GPAT4: variants seen among roughly 807,000 people sequenced by gnomAD.
The protein encoded by GPAT4 is glycerol-3-phosphate acyltransferase 4.
In GPAT4, 17 loss-of-function variants were observed where a neutral mutation model predicts 58.0. The observed-to-expected ratio is 0.29, with a 90% CI of 0.20 to 0.44. The LOEUF is 0.44. Among genes scored for constraint, GPAT4 ranks in the 20% least tolerant of loss-of-function variants. The pLI is 1.00. For synonymous variants in GPAT4, 204 were observed against 210.1 expected (o/e 0.97, Z 0.25); for missense variants, 377 against 574.5 (o/e 0.66, Z 3.51).
At position 41,609,942 on chromosome 8, in the gene GPAT4, C is replaced by T. The variant is rs1175708013; in HGVS notation, c.523C>T (p.Leu175=). The change falls in exon 4 of 13, where the codon CTG becomes TTG. Residue 175 remains leucine, a synonymous_variant. Transcript: ENST00000396987. ...GLGVLIRYCF[L]LPLRIALAFT... is the part of the protein sequence containing the mutation. ...AGGAGTGCTGATTCGGTACTGCTTT[C>T]TGCTGCCGCTCAGGTGAGGCAGGGC... is the stretch of plus-strand genomic sequence containing the variant. The T allele has an allele frequency of 1.2e-6, 2 of 1,605,836 alleles. No individual in the cohort carries two copies. Among genetic ancestry groups the T allele is most frequent in the Admixed American group, 3.4e-5 (2 of 59,616 alleles).
Position 41,611,962 on chromosome 8 carries a change from C to G in GPAT4, c.671C>G (p.Ala224Gly). 6.2e-7 allele frequency: 1 copy of G among 1,614,154 alleles called. No individual in the cohort carries two copies. Among genetic ancestry groups the G allele is most frequent in the Non-Finnish European group, 8.5e-7 (1 of 1,180,028 alleles). The change falls in exon 6 of 13, where the codon GCG becomes GGG. Residue 224 changes from alanine to glycine, a missense_variant. Physicochemically the swap from Ala to Gly is moderately conservative, Grantham distance 60. Transcript: ENST00000396987. ...HLMCYRICVR[A>G]LTAIITYHDR... ...ATGTGTTACCGGATCTGCGTGCGAGCGCTGACAGCCATCATCACCTACCAT... is the reference window on the plus strand; with the variant it reads ...ATGTGTTACCGGATCTGCGTGCGAGGGCTGACAGCCATCATCACCTACCAT...
chr8:41,593,714 G>A (rs1469127627), intron 1 of GPAT4, among the ~76,000 whole-genome samples: 2 of 152,212 alleles, frequency 1.3e-5, no homozygotes, highest in South Asian at 2.1e-4. Context: ...TGATGAGAAC[G>A]TGATCCTCAG....
At chr8:41,590,363 C>A (rs1251332185) in intron 1 of GPAT4, among the ~76,000 whole-genome samples, 1 of 152,224 alleles carries the variant, frequency 6.6e-6, no homozygotes, top group African/African-American at 2.4e-5. Flanking sequence ...GGATTACAGG[C>A]ATGAGCCACT....
intron 5 of GPAT4, 69 bp downstream of exon 5, chr8:41,610,879 G>A: frequency 6.8e-7 from 1 of 1,467,756 alleles, no homozygotes; most frequent in South Asian, 1.3e-5. Flanking sequence ...GATATCGAAG[G>A]CAAGGACACT....
At chr8:41,594,997 T>C (rs1394547161) in intron 1 of GPAT4, among the ~76,000 whole-genome samples, 1 of 152,148 alleles carries the variant, frequency 6.6e-6, no homozygotes, top group Non-Finnish European at 1.5e-5. Flanking sequence ...TGGACTAGAC[T>C]GTCTAAGGCG....
At chr8:41,608,866 C>T (rs372909373) in intron 2 of GPAT4, among the ~76,000 whole-genome samples, 1 of 151,794 alleles carries the variant, frequency 6.6e-6, no homozygotes, top group Non-Finnish European at 1.5e-5. Flanking sequence ...TCCTTTAACA[C>T]TATTAAGCCA....
intron 1 of GPAT4, among the ~76,000 whole-genome samples, chr8:41,591,410 G>C (rs1027456605): frequency 7.2e-5 from 11 of 152,178 alleles, no homozygotes; most frequent in African/African-American, 2.7e-4. Context: ...ACATTGCGCA[G>C]ATTTTAAGGC....
chr8:41,609,572 C>T, intron 3 of GPAT4, 83 bp from the exon 4 acceptor site: 2 of 1,601,662 alleles, frequency 1.2e-6, no homozygotes, highest in Middle Eastern at 3.3e-4. Context: ...CTCTTCCCTG[C>T]ATTAGTGCAG....
intron 7 of GPAT4, among the ~76,000 whole-genome samples, chr8:41,612,504 AGAGGGAGTT>A (rs1260832058): frequency 1.3e-5 from 2 of 152,208 alleles, no homozygotes; most frequent in African/African-American, 4.8e-5. Context: ...CAGCAGGGGC[AGAGGGAGTT>A]GCTGGCAAGG....
intron 4 of GPAT4, chr8:41,610,279 C>T: frequency 8.1e-7 from 1 of 1,242,184 alleles, no homozygotes; most frequent in Non-Finnish European, 1.0e-6. Flanking sequence ...GCTTGCCTCT[C>T]AGGTACAGGG....
intron 2 of GPAT4, among the ~76,000 whole-genome samples, chr8:41,600,817 A>G (rs939627856): frequency 3.9e-5 from 6 of 152,090 alleles, no homozygotes; most frequent in Admixed American, 6.5e-5. Context: ...GAATTTACCT[A>G]TTCTGCATAT....
chr8:41,602,650 G>T (rs571591926), intron 2 of GPAT4, among the ~76,000 whole-genome samples: 1 of 152,296 alleles, frequency 6.6e-6, no homozygotes, highest in South Asian at 2.1e-4. Context: ...CAGTATCTGT[G>T]TATCTGTCTA....
rs182928860 is a variant in GPAT4, at chr8:41,602,893, C to T, written c.165+3589C>T. ...TCTGTCTTCTCTCTGTGCCCTCCTG[C>T]GGCAGAGGGATGAGGGAGCCCTCTG... On this transcript the variant is annotated intron_variant, in intron 2 of 12. Transcript: ENST00000396987. 4.1e-3 allele frequency among the ~76,000 whole-genome samples: 620 copies of T among 152,218 alleles called. 2 individuals are homozygous for T. The highest frequency in any genetic ancestry group is 0.014 in the Middle Eastern group (4 of 294).
Position 41,609,292 on chromosome 8 carries a change from G to A in GPAT4, c.166-124G>A, listed in dbSNP as rs549247249. On this transcript the variant is annotated intron_variant, in intron 2 of 12. Transcript: ENST00000396987. ...TGGTTTGAGTTTCCTTCTAGACTAT[G>A]TGCTTCTTGGCTACGGTCTTAGGTG... 4.9e-5 allele frequency: 49 copies of A among 1,005,422 alleles called. No homozygotes were observed. In the African/African-American group the frequency reaches 7.2e-4, roughly 15 times the overall value. The allele number at this position is 1,005,422 out of a possible 1,614,324, so 62.3% of individuals were successfully genotyped here.
chr8:41,614,343 T>C (rs1803533797), intron 8 of GPAT4, 43 bp from the exon 9 acceptor site: 2 of 1,539,666 alleles, frequency 1.3e-6, no homozygotes, highest in South Asian at 2.3e-5. Context: ...TGACGATGTG[T>C]ATAAGGTTGT....
At position 41,611,955 on chromosome 8, in the gene GPAT4, G is replaced by A. The variant is rs750536765; in HGVS notation, c.664G>A (p.Val222Met). Reference protein sequence around the residue: ...HVHLMCYRICVRALTAIITYH... With the variant: ...HVHLMCYRICMRALTAIITYH... ...TCACTTAATGTGTTACCGGATCTGC[G>A]TGCGAGCGCTGACAGCCATCATCAC... Residue 222 changes from valine (V) to methionine (M), a missense_variant, in exon 6 of 13, where the codon GTG (valine) becomes ATG (methionine). Val to Met is a conservative substitution (Grantham distance 21). Coordinates refer to ENST00000396987, the MANE Select transcript of GPAT4 (RefSeq NM_178819.4). 34 of 1,614,064 alleles carry A rather than the reference G, an allele frequency of 2.1e-5. No individual in the cohort carries two copies. Among genetic ancestry groups the A allele is most frequent in the African/African-American group, 6.7e-5 (5 of 74,926 alleles).
chr8:41,593,133 G>A (rs913184932), intron 1 of GPAT4, among the ~76,000 whole-genome samples: 1 of 152,148 alleles, frequency 6.6e-6, no homozygotes, highest in Admixed American at 6.5e-5. Context: ...CAAATTTCAA[G>A]ATTATGCGTT....
At chr8:41,599,524 A>G (rs1057204766) in intron 2 of GPAT4, among the ~76,000 whole-genome samples, 1 of 152,216 alleles carries the variant, frequency 6.6e-6, no homozygotes, top group Non-Finnish European at 1.5e-5. Context: ...CCATGACTCC[A>G]CATGTTGCCT....
Position 41,587,754 on chromosome 8 carries a change from G to T in GPAT4, c.-849+9476G>T, listed in dbSNP as rs59094927. 5.4e-3 allele frequency among the ~76,000 whole-genome samples: 820 copies of T among 152,256 alleles called. 8 individuals are homozygous for T. The highest frequency in any genetic ancestry group is 0.035 in the East Asian group (183 of 5,186). ...AAATCACCCTTGGTTGGGAACCACT[G>T]GTCCGATTTATCCTTAGGATACATT... is the stretch of plus-strand genomic sequence containing the variant. On this transcript the variant is annotated intron_variant, in intron 1 of 12. Coordinates refer to ENST00000396987, the MANE Select transcript of GPAT4 (RefSeq NM_178819.4).
Sources: allele counts gnomAD v4.1 joint callset (sites outside exome capture counted in the v4.1 genomes callset), GRCh38; gene constraint gnomAD v4.1.1; transcripts MANE v1.5; gene names NCBI Gene and HGNC (gene_info 2026-07-23, HGNC 2026-07-21).